ARL1: variants seen among roughly 807,000 people sequenced by gnomAD.
The protein encoded by ARL1 is ARF like GTPase 1.
A neutral mutation model predicts 30.1 loss-of-function variants in ARL1; 17 were observed. The ratio of observed to expected loss-of-function variants is 0.56; its 90% CI spans 0.39 to 0.85. ARL1 has a LOEUF of 0.85. Ranked by LOEUF, ARL1 falls within the 40% of genes least tolerant of loss-of-function variation. The probability of loss-of-function intolerance (pLI) is 0.00; values close to 1 mark genes in which losing one functional copy is unlikely to be tolerated. For missense variants in ARL1, 102 were observed against 212.6 expected (o/e 0.48, Z 3.24); for synonymous variants, 58 against 71.7 (o/e 0.81, Z 0.97).
chr12:101,400,726 T>G (rs950723961), intron 4 of ARL1, among the ~76,000 whole-genome samples: 1 of 152,210 alleles, frequency 6.6e-6, no homozygotes, highest in Non-Finnish European at 1.5e-5. Flanking sequence ...TTCTCTGAAC[T>G]TGAATCCTTC....
chr12:101,399,588 T>C (rs1394642801), intron 4 of ARL1, among the ~76,000 whole-genome samples: 1 of 149,994 alleles, frequency 6.7e-6, no homozygotes, highest in Non-Finnish European at 1.5e-5. Flanking sequence ...TTTACCTAGG[T>C]ATCAACTGGC....
chr12:101,399,351 C>T (rs1233919518), intron 4 of ARL1, among the ~76,000 whole-genome samples: 1 of 151,434 alleles, frequency 6.6e-6, no homozygotes, highest in African/African-American at 2.4e-5. Context: ...ATCTCTGCTA[C>T]AAATACAAAA....
At chr12:101,401,302 T>A in intron 3 of ARL1, 129 bp from the exon 4 acceptor site, 1 of 626,020 alleles carries the variant, frequency 1.6e-6, no homozygotes, top group Admixed American at 2.8e-5. Flanking sequence ...CTGGTGGATA[T>A]ATGTACCATA....
In ARL1 at chr12:101,403,343, A is replaced by G. The variant is rs1469336097; in HGVS notation, c.143-397T>C. ...AAAAGGAAAACATAATTTTTAGCTC[A>G]ATGGAAATCCTATTATATTAAACTC... On this transcript the variant is annotated intron_variant, in intron 2 of 5. Coordinates refer to ENST00000261636, the MANE Select transcript of ARL1 (RefSeq NM_001177.6). 1.1e-5 allele frequency: 4 copies of G among 356,890 alleles called. No individual in the cohort carries two copies. The East Asian group carries it at 3.2e-4, about 29-fold the overall frequency. The allele number at this position is 356,890 out of a possible 1,614,324, so 22.1% of individuals were successfully genotyped here.
intron 4 of ARL1, among the ~76,000 whole-genome samples, chr12:101,396,807 T>C (rs1444305493): frequency 6.6e-6 from 1 of 152,176 alleles, no homozygotes; most frequent in Non-Finnish European, 1.5e-5. Flanking sequence ...AGTACTTTGT[T>C]TTGCAGATAC....
chr12:101,403,088 G>C (rs761427807), intron 2 of ARL1, 142 bp from the exon 3 acceptor site: 33 of 484,214 alleles, frequency 6.8e-5, no homozygotes, highest in Non-Finnish European at 1.1e-4. Flanking sequence ...CTTAGGATTC[G>C]AGTTAAAAAG....
chr12:101,396,627 G>A lies in ARL1; in HGVS notation c.337-50C>T, dbSNP rs528202246. On this transcript the variant is annotated intron_variant, in intron 4 of 5. Coordinates refer to ENST00000261636, the MANE Select transcript of ARL1 (RefSeq NM_001177.6). ...TTTCTTTTAACTAATGTGCTCTCTC[G>A]AGTTTAGAAAATGTCCAAAAATACA... 228 of 1,489,344 alleles carry A rather than the reference G, an allele frequency of 1.5e-4. 1 individual carries two copies. The Middle Eastern group carries it at 2.6e-3, about 17-fold the overall frequency. 92.3% of individuals were successfully genotyped at this position (1,489,344 alleles called of 1,614,324 possible). A position where few individuals can be genotyped will look rare whatever the true frequency, so the allele number is the denominator to read the frequency against.
At position 101,393,337 on chromosome 12, in the gene ARL1, CA is replaced by C. The variant is rs1308415134; in HGVS notation, c.*2302del. ...AAATTTTTTTTTTTAATGCAAGACACAACACAATCATAGGCCAGAGTTATAA... is the reference window on the plus strand; with the variant it reads ...AAATTTTTTTTTTTAATGCAAGACACACACAATCATAGGCCAGAGTTATAA... On this transcript the variant is annotated 3_prime_UTR_variant, in exon 6 of 6. Coordinates refer to ENST00000261636, the MANE Select transcript of ARL1 (RefSeq NM_001177.6). 3 of 151,638 alleles carry C rather than the reference CA, an allele frequency of 2.0e-5. No individual in the cohort carries two copies. The highest frequency in any genetic ancestry group is 7.3e-5 in the African/African-American group (3 of 41,256). 9.4% of individuals were successfully genotyped at this position (151,638 alleles called of 1,614,324 possible). A position where few individuals can be genotyped will look rare whatever the true frequency, so the allele number is the denominator to read the frequency against.
chr12:101,406,215 T>A (rs1409580119), intron 1 of ARL1, among the ~76,000 whole-genome samples: 3 of 152,132 alleles, frequency 2.0e-5, no homozygotes, highest in Admixed American at 1.3e-4. Flanking sequence ...GCACAGAAGA[T>A]AAACCAAATA....
chr12:101,396,616 T>C (rs1389818883), intron 4 of ARL1, 39 bp from the exon 5 acceptor site: 2 of 1,556,352 alleles, frequency 1.3e-6, no homozygotes, highest in Non-Finnish European at 1.8e-6. Context: ...TTTTAACTAA[T>C]GTGCTCTCTC....
At chr12:101,397,738 A>C (rs959631455) in intron 4 of ARL1, among the ~76,000 whole-genome samples, 2 of 152,016 alleles carry the variant, frequency 1.3e-5, no homozygotes, top group Non-Finnish European at 2.9e-5. Context: ...TCCTGACCTC[A>C]TGATCCACCC....
chr12:101,404,359 A>T (rs1871382840), intron 2 of ARL1, among the ~76,000 whole-genome samples: 1 of 152,196 alleles, frequency 6.6e-6, no homozygotes, highest in African/African-American at 2.4e-5. Flanking sequence ...ACTGCACTCC[A>T]GCCTGGGCAA....
Position 101,395,686 on chromosome 12 carries a change from GA to G in ARL1, c.516-17del, listed in dbSNP as rs752248214. 75 of 1,527,438 alleles carry G rather than the reference GA, an allele frequency of 4.9e-5. No individual in the cohort carries two copies. The highest frequency in any genetic ancestry group is 6.5e-5 in the Non-Finnish European group (73 of 1,122,030). 94.6% of individuals were successfully genotyped at this position (1,527,438 alleles called of 1,614,324 possible). A position where few individuals can be genotyped will look rare whatever the true frequency, so the allele number is the denominator to read the frequency against. On this transcript the variant is annotated splice_polypyrimidine_tract_variant and intron_variant, in intron 5 of 5. Coordinates refer to ENST00000261636, the MANE Select transcript of ARL1 (RefSeq NM_001177.6). ...TTCAACTAACCTGTAAAGAGAAAAT[GA>G]ACTGTTTTATAAAATTAATTTTCAG...
At chr12:101,403,179 A>C in intron 2 of ARL1, 2 of 485,698 alleles carry the variant, frequency 4.1e-6, no homozygotes, top group Admixed American at 2.8e-5. Flanking sequence ...TCCCCCACAC[A>C]TGTGCAGGTG....
intron 5 of ARL1, among the ~76,000 whole-genome samples, chr12:101,395,990 A>G (rs1335488638): frequency 1.3e-5 from 2 of 152,212 alleles, no homozygotes; most frequent in Non-Finnish European, 2.9e-5. Flanking sequence ...GAACAAATCA[A>G]ACTTACAAGA....
rs1392256567 is a variant in ARL1 at position 101,394,517 on chromosome 12, C to A, written c.*1123G>T. 1 of 152,146 alleles carries A rather than the reference C, an allele frequency of 6.6e-6. No homozygotes were observed. Among genetic ancestry groups the A allele is most frequent in the African/African-American group, 2.4e-5 (1 of 41,424 alleles). The allele number at this position is 152,146 out of a possible 1,614,324, so 9.4% of individuals were successfully genotyped here. A position where few individuals can be genotyped will look rare whatever the true frequency, so the allele number is the denominator to read the frequency against. ...TTTAAAACAGAATGCTTAATTTCTC[C>A]CTGTACAATCAGTAAGATTTTGATT... On this transcript the variant is annotated 3_prime_UTR_variant, in exon 6 of 6. Transcript: ENST00000261636.
intron 5 of ARL1, among the ~76,000 whole-genome samples, chr12:101,395,943 C>T (rs1425787468): frequency 6.6e-6 from 1 of 152,166 alleles, no homozygotes; most frequent in East Asian, 1.9e-4. Context: ...TGAAACTAGT[C>T]TCAATCCTCA....
chr12:101,403,191 G>A (rs1871350095), intron 2 of ARL1: 1 of 499,834 alleles, frequency 2.0e-6, no homozygotes, highest in Non-Finnish European at 3.8e-6. Context: ...GTGCAGGTGT[G>A]TGCACAAAAC....
At chr12:101,407,601 C>G in intron 1 of ARL1, 41 bp downstream of exon 1, 1 of 1,607,624 alleles carries the variant, frequency 6.2e-7, no homozygotes, top group South Asian at 1.1e-5. Context: ...TCGGCCGCGG[C>G]TCCCTCGAGC....
Sources: gnomAD v4.1 joint callset for allele counts (sites outside exome capture counted in the v4.1 genomes callset) on GRCh38, gnomAD v4.1.1 for gene constraint, MANE v1.5 for transcripts, NCBI Gene and HGNC (gene_info 2026-07-23, HGNC 2026-07-21) for gene names.